The following QTMAN variants were observed in gnomAD, a reference collection of about 807,000 sequenced individuals.
QTMAN encodes queuosine-tRNA mannosyltransferase.
chr2:143,988,156 T>C, the QTMAN span, among the ~76,000 whole-genome samples: 1,250 of 152,316 alleles, frequency 8.2e-3, 5 homozygotes, highest in Non-Finnish European at 0.014. Flanking sequence ...CTTGCTGTTT[T>C]CTCAGGTCTA....
At chr2:144,228,302 C>G in the QTMAN span, among the ~76,000 whole-genome samples, 1 of 152,066 alleles carries the variant, frequency 6.6e-6, no homozygotes, top group South Asian at 2.1e-4. Context: ...AAGCTATAAT[C>G]CAGTCCTTAC....
chr2:144,249,764 G>A, the QTMAN span, among the ~76,000 whole-genome samples: 2 of 152,124 alleles, frequency 1.3e-5, no homozygotes, highest in Non-Finnish European at 2.9e-5. Context: ...GGACAACGCA[G>A]AAAACTCAAA....
At chr2:144,099,881 C>T in the QTMAN span, among the ~76,000 whole-genome samples, 1 of 152,190 alleles carries the variant, frequency 6.6e-6, no homozygotes, top group African/African-American at 2.4e-5. Flanking sequence ...GAATGTTCTG[C>T]TCTCTTAAGA....
At chr2:144,257,349 A>G in the QTMAN span, among the ~76,000 whole-genome samples, 1 of 152,068 alleles carries the variant, frequency 6.6e-6, no homozygotes, top group African/African-American at 2.4e-5. Flanking sequence ...TCTACCTAGG[A>G]GAGAATAGGA....
At chr2:143,991,046 C>A in the QTMAN span, among the ~76,000 whole-genome samples, 1 of 151,320 alleles carries the variant, frequency 6.6e-6, no homozygotes, top group Admixed American at 6.6e-5. Context: ...AAAGATAAAC[C>A]TGAAAAAATT....
chr2:144,028,788 A>G, the QTMAN span, among the ~76,000 whole-genome samples: 1 of 152,236 alleles, frequency 6.6e-6, no homozygotes, highest in South Asian at 2.1e-4. Context: ...TTAATGGCAA[A>G]GAAACTTGTT....
the QTMAN span, among the ~76,000 whole-genome samples, chr2:144,152,509 A>G: frequency 6.6e-6 from 1 of 152,248 alleles, no homozygotes; most frequent in Non-Finnish European, 1.5e-5. Flanking sequence ...TTCTAACAAG[A>G]AAGGAAGATA....
At chr2:144,232,973 T>C in the QTMAN span, among the ~76,000 whole-genome samples, 1 of 152,140 alleles carries the variant, frequency 6.6e-6, no homozygotes, top group African/African-American at 2.4e-5. Flanking sequence ...AAAGGAAAAA[T>C]ATTTTAAATG....
the QTMAN span, among the ~76,000 whole-genome samples, chr2:144,112,818 A>G: frequency 1.3e-5 from 2 of 152,130 alleles, 1 homozygote; most frequent in Admixed American, 1.3e-4. Flanking sequence ...CTTAATGGAG[A>G]GTTGAGACTT....
chr2:144,105,792 C>G, the QTMAN span, among the ~76,000 whole-genome samples: 1 of 152,076 alleles, frequency 6.6e-6, no homozygotes, highest in African/African-American at 2.4e-5. Context: ...AACTCCAAGA[C>G]ACATAATTGT....
chr2:144,280,315 T>C, the QTMAN span, among the ~76,000 whole-genome samples: 5 of 152,200 alleles, frequency 3.3e-5, no homozygotes. Flanking sequence ...GAAGCTTGTG[T>C]TGTTAAACAG....
At chr2:144,326,997 G>T in the QTMAN span, among the ~76,000 whole-genome samples, 4 of 152,076 alleles carry the variant, frequency 2.6e-5, no homozygotes, top group Admixed American at 6.5e-5. Context: ...CTTTTGCTAC[G>T]ACGTGGGTGT....
At chr2:144,095,603 T>A in the QTMAN span, among the ~76,000 whole-genome samples, 1 of 152,186 alleles carries the variant, frequency 6.6e-6, no homozygotes, top group African/African-American at 2.4e-5. Context: ...AAATTAGGTA[T>A]AATACCCAGA....
chr2:144,257,928 G>A, the QTMAN span, among the ~76,000 whole-genome samples: 8 of 151,958 alleles, frequency 5.3e-5, no homozygotes, highest in Non-Finnish European at 1.2e-4. Flanking sequence ...AAGAATATAA[G>A]CTACTTCAAA....
At chr2:144,195,596 A>G in the QTMAN span, among the ~76,000 whole-genome samples, 1 of 152,124 alleles carries the variant, frequency 6.6e-6, no homozygotes, top group East Asian at 1.9e-4. Flanking sequence ...AGGCAGTTCA[A>G]TTCTAAAACT....
the QTMAN span, among the ~76,000 whole-genome samples, chr2:144,192,467 G>C: frequency 6.6e-6 from 1 of 152,060 alleles, no homozygotes. Flanking sequence ...AAAGTAGGGA[G>C]GTCCAATGAG....
chr2:144,188,508 CGG>C, the QTMAN span, among the ~76,000 whole-genome samples: 5 of 148,632 alleles, frequency 3.4e-5, no homozygotes, highest in East Asian at 4.0e-4. Context: ...CTTTTGCAAT[CGG>C]ATGGATGGAT....
At chr2:144,205,160 A>G in the QTMAN span, among the ~76,000 whole-genome samples, 1 of 152,126 alleles carries the variant, frequency 6.6e-6, no homozygotes, top group African/African-American at 2.4e-5. Flanking sequence ...AAAGAAGAAG[A>G]AGAACGAATA....
chr2:144,257,204 G>C, the QTMAN span, among the ~76,000 whole-genome samples: 5 of 151,746 alleles, frequency 3.3e-5, no homozygotes, highest in African/African-American at 1.2e-4. Flanking sequence ...GCAATATCTG[G>C]AATCAAAATG....
Sources: gnomAD v4.1 joint callset for allele counts (sites outside exome capture counted in the v4.1 genomes callset) on GRCh38, gnomAD v4.1.1 for gene constraint, MANE v1.5 for transcripts, NCBI Gene and HGNC (gene_info 2026-07-23, HGNC 2026-07-21) for gene names.